The following EPHA5 variants were observed in gnomAD, a reference collection of about 807,000 sequenced individuals.
EPHA5 encodes ephrin type-A receptor 5.
A neutral mutation model predicts 105.0 loss-of-function variants in EPHA5; 60 were observed. The ratio of observed to expected loss-of-function variants is 0.57; its 90% CI spans 0.46 to 0.71. The LOEUF (loss-of-function observed/expected upper bound fraction) is 0.71. EPHA5 is among the 30% of genes least tolerant of loss of function. The pLI is 0.00. For synonymous variants in EPHA5, 513 were observed against 449.1 expected (o/e 1.14, Z -1.80); for missense variants, 1,218 against 1,274.7 (o/e 0.96, Z 0.68).
chr4:65,633,153 C>T (rs1746802763), intron 2 of EPHA5, among the ~76,000 whole-genome samples: 1 of 151,816 alleles, frequency 6.6e-6, no homozygotes, highest in South Asian at 2.1e-4. Context: ...TAGCAAAAGC[C>T]TCAAAAAACT....
At chr4:65,383,207 T>G (rs907084895) in intron 8 of EPHA5, among the ~76,000 whole-genome samples, 2 of 134,760 alleles carry the variant, frequency 1.5e-5, no homozygotes, top group African/African-American at 5.7e-5. Context: ...TACATCATGA[T>G]GCATATATGA....
At chr4:65,626,566 A>C (rs189125849) in intron 2 of EPHA5, among the ~76,000 whole-genome samples, 1 of 152,302 alleles carries the variant, frequency 6.6e-6, no homozygotes, top group East Asian at 1.9e-4. Context: ...TGAACAAATA[A>C]ATATTTGCTG....
Position 65,404,452 on chromosome 4 carries a change from T to G in EPHA5, c.1715A>C (p.Gln572Pro). 1 of 1,613,768 alleles carries G rather than the reference T, an allele frequency of 6.2e-7. No individual in the cohort carries two copies. Among genetic ancestry groups the G allele is most frequent in the Non-Finnish European group, 8.5e-7 (1 of 1,179,778 alleles). Residue 572 changes from glutamine (Q) to proline (P), a missense_variant, in exon 8 of 17, where the codon CAG (glutamine) becomes CCG (proline). Gln to Pro is a moderately conservative substitution (Grantham distance 76). Around this residue, in one of 3 missense-constraint regions of EPHA5, gnomAD observed 971 missense variants for 1,013.5 expected, o/e 0.96. Coordinates refer to ENST00000613740, the MANE Select transcript of EPHA5 (RefSeq NM_001281766.3). ...CACAGACACAGCAATTACAGGAATC[T>G]GGCTTTGATCGCTGGATGCTGCAAC... is the stretch of plus-strand genomic sequence containing the variant. ...VSVAASSDQS[Q>P]IPVIAVSVTV...
At chr4:65,500,035 AAAT>A (rs1732322059) in intron 3 of EPHA5, among the ~76,000 whole-genome samples, 1 of 151,346 alleles carries the variant, frequency 6.6e-6, no homozygotes, top group African/African-American at 2.4e-5. Flanking sequence ...GTGGAATAAT[AAAT>A]AATAATAATG....
intron 6 of EPHA5, among the ~76,000 whole-genome samples, chr4:65,418,973 T>A (rs996593398): frequency 5.6e-5 from 8 of 143,540 alleles, no homozygotes; most frequent in Non-Finnish European, 1.2e-4. Flanking sequence ...AACCTCCGCT[T>A]CCTGGGTTCA....
intron 3 of EPHA5, among the ~76,000 whole-genome samples, chr4:65,583,344 A>G (rs556665309): frequency 1.3e-5 from 2 of 151,938 alleles, no homozygotes; most frequent in South Asian, 4.1e-4. Flanking sequence ...ATAAGCAATA[A>G]CAATCTATGT....
intron 1 of EPHA5, among the ~76,000 whole-genome samples, chr4:65,660,214 A>G (rs1359746150): frequency 6.6e-6 from 1 of 152,170 alleles, no homozygotes; most frequent in African/African-American, 2.4e-5. Context: ...ACCTGAGGGC[A>G]AATGAGGTAA....
At chr4:65,509,626 A>G (rs1381568381) in intron 3 of EPHA5, among the ~76,000 whole-genome samples, 1 of 152,126 alleles carries the variant, frequency 6.6e-6, no homozygotes, top group Non-Finnish European at 1.5e-5. Context: ...TTCCATTGTT[A>G]TTTTATGATT....
intron 6 of EPHA5, among the ~76,000 whole-genome samples, chr4:65,416,796 A>G (rs987732699): frequency 6.6e-5 from 10 of 152,226 alleles, no homozygotes; most frequent in Non-Finnish European, 1.5e-5. Context: ...TTAGGGAAGC[A>G]TATATCTAGT....
At chr4:65,475,139 G>A (rs553960449) in intron 5 of EPHA5, among the ~76,000 whole-genome samples, 15 of 152,150 alleles carry the variant, frequency 9.9e-5, no homozygotes, top group South Asian at 6.2e-4. Context: ...ATGCCCAACT[G>A]CCATTCATTC....
At chr4:65,588,641 T>C (rs1387450393) in intron 3 of EPHA5, among the ~76,000 whole-genome samples, 2 of 152,186 alleles carry the variant, frequency 1.3e-5, no homozygotes, top group African/African-American at 4.8e-5. Flanking sequence ...GTTTTATTTA[T>C]GGTCTCTCTA....
At chr4:65,609,825 T>C (rs1255715474) in intron 2 of EPHA5, among the ~76,000 whole-genome samples, 2 of 151,990 alleles carry the variant, frequency 1.3e-5, no homozygotes, top group African/African-American at 4.8e-5. Context: ...TCAAGAAAAG[T>C]ATTTCTTAGT....
chr4:65,599,101 G>C (rs892968065), intron 3 of EPHA5, among the ~76,000 whole-genome samples: 2 of 151,930 alleles, frequency 1.3e-5, no homozygotes, highest in Non-Finnish European at 2.9e-5. Flanking sequence ...TTTCAACAAG[G>C]TTTACCTCTA....
chr4:65,395,512 T>C (rs1410762179), intron 8 of EPHA5, among the ~76,000 whole-genome samples: 1 of 152,332 alleles, frequency 6.6e-6, no homozygotes, highest in African/African-American at 2.4e-5. Flanking sequence ...CCTACCGTTT[T>C]ATACAAATTT....
rs1719839673 is a variant in EPHA5 at position 65,323,993 on chromosome 4, A to G, written c.*121T>C. On this transcript the variant is annotated 3_prime_UTR_variant, in exon 17 of 17. Coordinates refer to ENST00000613740, the MANE Select transcript of EPHA5 (RefSeq NM_001281766.3). ...ATTACAAATTCTGTGGCTGAGGCAA[A>G]TGTTTTCTAAGGTTTAGAAATCACT... 1.6e-6 allele frequency: 1 copy of G among 638,066 alleles called. No homozygotes were observed. The highest frequency in any genetic ancestry group is 2.7e-6 in the Non-Finnish European group (1 of 373,928). 39.5% of individuals were successfully genotyped at this position (638,066 alleles called of 1,614,324 possible).
intron 2 of EPHA5, among the ~76,000 whole-genome samples, chr4:65,615,273 A>T: frequency 7.5e-6 from 1 of 133,490 alleles, no homozygotes; most frequent in East Asian, 2.1e-4. Context: ...TACAAATTTG[A>T]TTTAAAAACT....
intron 5 of EPHA5, among the ~76,000 whole-genome samples, chr4:65,455,573 C>G (rs542081512): frequency 1.1e-3 from 166 of 152,240 alleles, no homozygotes; most frequent in Non-Finnish European, 2.1e-3. Context: ...TCAATGCATT[C>G]ATAAAATCAT....
intron 5 of EPHA5, among the ~76,000 whole-genome samples, chr4:65,480,195 T>G (rs909852816): frequency 6.6e-6 from 1 of 152,140 alleles, no homozygotes; most frequent in South Asian, 2.1e-4. Context: ...TAAAACCAGA[T>G]TTTCTCTAAA....
At chr4:65,632,370 A>G (rs1163409788) in intron 2 of EPHA5, among the ~76,000 whole-genome samples, 1 of 151,912 alleles carries the variant, frequency 6.6e-6, no homozygotes, top group Non-Finnish European at 1.5e-5. Context: ...ATACTTGAGG[A>G]CAGAAACTGA....
Sources: allele counts gnomAD v4.1 joint callset (sites outside exome capture counted in the v4.1 genomes callset), GRCh38; gene constraint gnomAD v4.1.1; regional missense constraint gnomAD v4.1.1; transcripts MANE v1.5; gene names NCBI Gene and HGNC (gene_info 2026-07-23, HGNC 2026-07-21).